Variants in KNTC1 observed in about 807,000 individuals in gnomAD.
KNTC1 encodes the protein kinetochore associated 1, also known as kinetochore-associated protein 1.
Under a neutral mutation model 314.4 loss-of-function variants are expected in KNTC1, and 253 were observed. That is an observed-to-expected ratio of 0.80 (90% CI 0.73 to 0.89). The LOEUF is 0.89. Among genes scored for constraint, KNTC1 ranks in the 40% least tolerant of loss-of-function variants. The pLI is 0.00. For synonymous variants in KNTC1, 901 were observed against 901.4 expected (o/e 1.00, Z 0.01); for missense variants, 2,475 against 2,572.9 (o/e 0.96, Z 0.82).
Position 122,602,849 on chromosome 12 carries a change from T to C in KNTC1, c.4846T>C (p.Ser1616Pro), listed in dbSNP as rs1872120894. The change falls in exon 47 of 64, where the codon TCT becomes CCT. Residue 1616 changes from serine (S) to proline (P), a missense_variant. Physicochemically the swap from Ser to Pro is moderately conservative, Grantham distance 74 (BLOSUM62 -1). Transcript: ENST00000333479. ...TCTAGCTACAGAACTCAGTGAAGAATCTTTCCCAACATTGCTCTTAATTTC... is the reference window on the plus strand; with the variant it reads ...TCTAGCTACAGAACTCAGTGAAGAACCTTTCCCAACATTGCTCTTAATTTC... ...KILSTELSEE[S>P]FPTLLLISKL... The C allele has an allele frequency of 6.2e-7, 1 of 1,612,816 alleles. No individual in the cohort carries two copies. The highest frequency in any genetic ancestry group is 1.7e-5 in the Admixed American group (1 of 59,976).
intron 29 of KNTC1, among the ~76,000 whole-genome samples, chr12:122,576,303 A>C (rs1266460771): frequency 3.9e-5 from 6 of 152,176 alleles, no homozygotes; most frequent in African/African-American, 7.2e-5. Flanking sequence ...TCCCGACCTC[A>C]GGTGATCTGC....
chr12:122,546,128 G>A (rs756496278), intron 8 of KNTC1, 48 bp from the exon 9 acceptor site: 2 of 1,095,158 alleles, frequency 1.8e-6, no homozygotes, highest in South Asian at 2.5e-5. Flanking sequence ...GGAAGGCTCA[G>A]GTCTAAGAAT....
intron 53 of KNTC1, chr12:122,611,114 T>C (rs1199216917): frequency 3.6e-6 from 2 of 553,632 alleles, no homozygotes; most frequent in Non-Finnish European, 6.4e-6. Flanking sequence ...GCGTGCTGAA[T>C]GGTGCACCTA....
intron 16 of KNTC1, among the ~76,000 whole-genome samples, chr12:122,556,341 A>T (rs186728722): frequency 1.3e-5 from 2 of 151,838 alleles, no homozygotes; most frequent in Non-Finnish European, 2.9e-5. Context: ...TGAAATATAC[A>T]TTATTACTAA....
In KNTC1 at chr12:122,603,048, G is replaced by A. The variant is rs1593662346; in HGVS notation, c.4906G>A (p.Val1636Met). 1.2e-6 allele frequency: 2 copies of A among 1,613,532 alleles called. No individual in the cohort carries two copies. The highest frequency in any genetic ancestry group is 1.3e-5 in the African/African-American group (1 of 74,988). Residue 1636 changes from valine to methionine, a missense_variant, in exon 48 of 64, where the codon GTG (valine) becomes ATG (methionine). Physicochemically the swap from Val to Met is conservative, Grantham distance 21. Transcript: ENST00000333479. ...LMKFSLDTLY[V>M]STAKHVFEKK... Reference sequence around the variant, plus strand: ...GAAGTTCTCTCTGGACACTCTGTACGTGTCTACAGCAAAACACGTTTTCGA... The same window carrying A: ...GAAGTTCTCTCTGGACACTCTGTACATGTCTACAGCAAAACACGTTTTCGA...
Position 122,575,630 on chromosome 12 carries a change from G to A in KNTC1, c.2470G>A (p.Glu824Lys), listed in dbSNP as rs376521489. The A allele has an allele frequency of 9.4e-6, 15 of 1,591,376 alleles. No homozygotes were observed. Among genetic ancestry groups the A allele is most frequent in the Non-Finnish European group, 1.3e-5 (15 of 1,167,944 alleles). ...GGAGCAACTGGTGAAACAGCACCTG[G>A]AAATGGACCATCCCAAGTAAGATGA... The part of the protein sequence containing the change: ...AVEQLVKQHL[E>K]MDHPKVKLLQ... Residue 824 changes from glutamate to lysine, a missense_variant, in exon 28 of 64, where the codon GAA becomes AAA. Transcript: ENST00000333479.
chr12:122,586,760 AT>A lies in KNTC1; in HGVS notation c.3730+6del. On this transcript the variant is annotated splice_donor_region_variant and intron_variant, in intron 38 of 63. Transcript: ENST00000333479. The stretch of plus-strand genomic sequence containing the variant: ...GCCATACTGCTCCCTTAATGAAGGT[AT>A]TTGGCACAAGAAATATATAGCATTC... 7.4e-7 allele frequency: 1 copy of A among 1,345,064 alleles called. No individual in the cohort carries two copies. The highest frequency in any genetic ancestry group is 1.0e-6 in the Non-Finnish European group (1 of 992,712). The allele number at this position is 1,345,064 out of a possible 1,614,324, so 83.3% of individuals were successfully genotyped here.
At chr12:122,613,793 C>G in intron 55 of KNTC1, 32 bp downstream of exon 55, 2 of 1,549,118 alleles carry the variant, frequency 1.3e-6, no homozygotes, top group Non-Finnish European at 1.7e-6. Flanking sequence ...ATTCCCAATT[C>G]CCTGCCCCTA....
chr12:122,618,470 T>TTG lies in KNTC1; in HGVS notation c.6086-11_6086-10insGT. ...TGTGTATATCATGGTTGTTTTTTTG[T>TTG]TTTGTTTTCAGCCTCTTGTCCTTTA... On this transcript the variant is annotated splice_polypyrimidine_tract_variant and intron_variant, in intron 58 of 63. Coordinates refer to ENST00000333479, the MANE Select transcript of KNTC1 (RefSeq NM_014708.6). 1 of 1,609,588 alleles carries TTG rather than the reference T, an allele frequency of 6.2e-7. No homozygotes were observed. Among genetic ancestry groups the TTG allele is most frequent in the Non-Finnish European group, 8.5e-7 (1 of 1,179,460 alleles).
chr12:122,586,779 T>C, intron 38 of KNTC1, 22 bp downstream of exon 38: 2 of 1,000,106 alleles, frequency 2.0e-6, no homozygotes, highest in East Asian at 3.0e-5. Context: ...AAGAAATATA[T>C]AGCATTCTAT....
chr12:122,557,569 T>G (rs991796174), intron 17 of KNTC1, 31 bp from the exon 18 acceptor site: 1 of 1,611,666 alleles, frequency 6.2e-7, no homozygotes, highest in African/African-American at 1.3e-5. Flanking sequence ...AACATTAGGT[T>G]GCCTTACTGT....
chr12:122,584,516 G>A, intron 35 of KNTC1, 66 bp downstream of exon 35: 2 of 1,249,718 alleles, frequency 1.6e-6, no homozygotes, highest in Non-Finnish European at 2.2e-6. Flanking sequence ...TCTCCCAAAT[G>A]CTGTCTCTTT....
rs377594419 is a variant in KNTC1 at position 122,579,991 on chromosome 12, C to T, written c.2914+14C>T. ...ACATTCAGAAAGGTAGCTTTTACTT[C>T]TGTTTTCTCATCTCAGTTTTGTTCC... is the stretch of plus-strand genomic sequence containing the variant. On this transcript the variant is annotated intron_variant, in intron 32 of 63. Coordinates refer to ENST00000333479, the MANE Select transcript of KNTC1 (RefSeq NM_014708.6). The T allele has an allele frequency of 1.9e-6, 3 of 1,562,346 alleles. No individual in the cohort carries two copies. In the African/African-American group the frequency reaches 4.1e-5, roughly 21 times the overall value.
At chr12:122,546,799 G>T in intron 10 of KNTC1, 125 bp downstream of exon 10, 3 of 459,618 alleles carry the variant, frequency 6.5e-6, no homozygotes, top group Non-Finnish European at 1.1e-5. Context: ...CTTTTTTTCA[G>T]TATATGTACC....
At chr12:122,574,520 A>C (rs2137932375) in intron 27 of KNTC1, 140 bp downstream of exon 27, 1 of 595,296 alleles carries the variant, frequency 1.7e-6, no homozygotes, top group South Asian at 2.2e-5. Flanking sequence ...GAATGCAGTG[A>C]CATGATCATG....
At chr12:122,586,670 GTGT>G in intron 37 of KNTC1, 28 bp from the exon 38 acceptor site, 1 of 1,224,592 alleles carries the variant, frequency 8.2e-7, no homozygotes. Flanking sequence ...CATCTATTTA[GTGT>G]TGTTTAATGT....
intron 55 of KNTC1, among the ~76,000 whole-genome samples, chr12:122,614,141 CTG>C (rs1873498166): frequency 6.6e-6 from 1 of 152,268 alleles, no homozygotes; most frequent in East Asian, 1.9e-4. Flanking sequence ...CAGGAACAGT[CTG>C]TATCCCTGAG....
At chr12:122,590,484 A>G in intron 40 of KNTC1, 123 bp from the exon 41 acceptor site, 5 of 981,000 alleles carry the variant, frequency 5.1e-6, no homozygotes, top group Non-Finnish European at 7.2e-6. Context: ...TTTTCTTTAA[A>G]AAGTTTTTTT....
intron 29 of KNTC1, among the ~76,000 whole-genome samples, chr12:122,576,348 C>T (rs544824744): frequency 6.6e-6 from 1 of 152,182 alleles, no homozygotes; most frequent in Non-Finnish European, 1.5e-5. Flanking sequence ...GGATTACAGG[C>T]GTGAGCTACC....
Sources: allele counts gnomAD v4.1 joint callset (sites outside exome capture counted in the v4.1 genomes callset), GRCh38; gene constraint gnomAD v4.1.1; transcripts MANE v1.5; gene names NCBI Gene and HGNC (gene_info 2026-07-23, HGNC 2026-07-21).